The following SHTN1 variants were observed in gnomAD, a reference collection of about 807,000 sequenced individuals.
SHTN1 encodes the protein shootin 1, also known as shootin-1.
In SHTN1, 42 loss-of-function variants were observed where a neutral mutation model predicts 83.1. The observed-to-expected ratio is 0.51, with a 90% CI of 0.39 to 0.65. The LOEUF is 0.65. Among genes scored for constraint, SHTN1 ranks in the 30% least tolerant of loss-of-function variants. The probability of loss-of-function intolerance (pLI) is 0.00; values close to 1 mark genes in which losing one functional copy is unlikely to be tolerated. For synonymous variants in SHTN1, 224 were observed against 247.7 expected (o/e 0.90, Z 0.90); for missense variants, 622 against 737.8 (o/e 0.84, Z 1.82).
intron 2 of SHTN1, among the ~76,000 whole-genome samples, chr10:116,969,865 G>C (rs1459114179): frequency 6.6e-6 from 1 of 152,080 alleles, no homozygotes; most frequent in African/African-American, 2.4e-5. Flanking sequence ...ACCACAAGTA[G>C]CTAAAACATT....
intron 1 of SHTN1, among the ~76,000 whole-genome samples, chr10:117,117,161 A>T (rs923577191): frequency 6.6e-6 from 1 of 152,136 alleles, no homozygotes; most frequent in African/African-American, 2.4e-5. Flanking sequence ...AGACAAACTA[A>T]AGACTCCACC....
intron 16 of SHTN1, among the ~76,000 whole-genome samples, chr10:116,898,618 G>T (rs1002883077): frequency 3.3e-5 from 5 of 152,000 alleles, no homozygotes. Context: ...GGATTAGATG[G>T]TATATACTTA....
In SHTN1 at chr10:116,906,620, G is replaced by C. The variant is rs1284054587; in HGVS notation, c.1480+7C>G. ...AGAAGGACTGTGGAGAATTCAAACC[G>C]GCTTACTACTGCTATCTGCTTCTGC... is the stretch of plus-strand genomic sequence containing the variant. On this transcript the variant is annotated splice_region_variant and intron_variant, in intron 15 of 16. Transcript: ENST00000355371. 1 of 1,608,544 alleles carries C rather than the reference G, an allele frequency of 6.2e-7. No homozygotes were observed. Among genetic ancestry groups the C allele is most frequent in the Non-Finnish European group, 8.5e-7 (1 of 1,177,490 alleles).
rs540623246 is a variant in SHTN1, at chr10:117,117,440, G to GAATT, written c.-189+8866_-189+8867insAATT. On this transcript the variant is annotated intron_variant, in intron 1 of 17. Transcript: ENST00000392901. ...AAAGATATTCCATGCTCATGGGGAA[G>GAATT]AATAGTGTTAAATGACAATACTACC... Among the ~76,000 whole-genome samples the GAATT allele has an allele frequency of 4.6e-3, 703 of 152,092 alleles. 6 individuals are homozygous for GAATT. Among genetic ancestry groups the GAATT allele is most frequent in the South Asian group, 0.022 (108 of 4,822 alleles).
At chr10:116,893,271 G>C (rs1206723338) in intron 16 of SHTN1, among the ~76,000 whole-genome samples, 1 of 152,148 alleles carries the variant, frequency 6.6e-6, no homozygotes, top group African/African-American at 2.4e-5. Flanking sequence ...TCAACTTCCA[G>C]AACATCCAGT....
At chr10:116,965,049 T>C (rs1339367378) in intron 3 of SHTN1, among the ~76,000 whole-genome samples, 1 of 152,264 alleles carries the variant, frequency 6.6e-6, no homozygotes, top group East Asian at 1.9e-4. Flanking sequence ...GAATGCAGCT[T>C]TGCTATGTAG....
intron 1 of SHTN1, among the ~76,000 whole-genome samples, chr10:116,987,800 A>C (rs1353283795): frequency 1.3e-5 from 2 of 152,078 alleles, no homozygotes; most frequent in Admixed American, 6.6e-5. Flanking sequence ...CTGTAGTCCC[A>C]GCTACCAGGG....
intron 1 of SHTN1, among the ~76,000 whole-genome samples, chr10:117,115,132 G>C (rs889737730): frequency 6.6e-6 from 1 of 152,162 alleles, no homozygotes; most frequent in Admixed American, 6.5e-5. Context: ...CCACAAAATT[G>C]TGCCTATAAT....
At chr10:116,974,718 C>T (rs1053138028) in intron 2 of SHTN1, among the ~76,000 whole-genome samples, 12 of 152,076 alleles carry the variant, frequency 7.9e-5, no homozygotes, top group Non-Finnish European at 1.5e-4. Context: ...GGCAGACATT[C>T]TTCTATTATA....
intron 16 of SHTN1, among the ~76,000 whole-genome samples, chr10:116,892,998 G>A (rs1003725435): frequency 4.6e-5 from 7 of 152,206 alleles, no homozygotes; most frequent in Non-Finnish European, 1.0e-4. Flanking sequence ...GGAAGCAAAT[G>A]TTAGAAGGCA....
At chr10:117,073,656 G>C (rs1221915381) in intron 1 of SHTN1, among the ~76,000 whole-genome samples, 1 of 152,178 alleles carries the variant, frequency 6.6e-6, no homozygotes. Context: ...CTCCTCACTG[G>C]ATTTGCTTTA....
chr10:116,953,618 G>GTTTTTTTTTT (rs1413652753), intron 5 of SHTN1, among the ~76,000 whole-genome samples: 2 of 82,006 alleles, frequency 2.4e-5, no homozygotes, highest in African/African-American at 6.9e-5. Flanking sequence ...TCAGTTTTGT[G>GTTTTTTTTTT]TTTTGTTTTT....
At chr10:116,975,498 C>T (rs1850769458) in intron 2 of SHTN1, among the ~76,000 whole-genome samples, 1 of 152,064 alleles carries the variant, frequency 6.6e-6, no homozygotes, top group African/African-American at 2.4e-5. Flanking sequence ...ATTTGAGGTC[C>T]TCATTAGAGT....
At chr10:116,995,802 C>G (rs1325977388) in intron 1 of SHTN1, among the ~76,000 whole-genome samples, 3 of 152,004 alleles carry the variant, frequency 2.0e-5, no homozygotes, top group African/African-American at 7.2e-5. Context: ...GAAATACTGG[C>G]CTCGTACCTT....
At chr10:117,085,929 T>TC (rs1853344438) in intron 1 of SHTN1, among the ~76,000 whole-genome samples, 1 of 149,300 alleles carries the variant, frequency 6.7e-6, no homozygotes, top group East Asian at 2.0e-4. Context: ...TTTTTTTTTT[T>TC]TTTTTTTTTG....
chr10:116,897,968 C>T (rs576109716), intron 16 of SHTN1, among the ~76,000 whole-genome samples: 1 of 152,208 alleles, frequency 6.6e-6, no homozygotes, highest in Non-Finnish European at 1.5e-5. Flanking sequence ...TGACCCTGGG[C>T]AACACTTAAT....
At chr10:116,943,134 T>G (rs1187610947) in intron 8 of SHTN1, among the ~76,000 whole-genome samples, 1 of 152,230 alleles carries the variant, frequency 6.6e-6, no homozygotes, top group Non-Finnish European at 1.5e-5. Flanking sequence ...GCTCTTGCTT[T>G]CTTTCTCTCC....
intron 1 of SHTN1, among the ~76,000 whole-genome samples, chr10:117,070,887 A>C (rs1853070428): frequency 6.6e-6 from 1 of 152,008 alleles, no homozygotes; most frequent in South Asian, 2.1e-4. Flanking sequence ...CCAGAAGAGA[A>C]GGCTGCATCA....
intron 1 of SHTN1, among the ~76,000 whole-genome samples, chr10:117,119,216 G>A (rs1316824113): frequency 6.6e-6 from 1 of 152,082 alleles, no homozygotes; most frequent in Non-Finnish European, 1.5e-5. Context: ...TGATTAATGA[G>A]TACAAACATA....
Sources: gnomAD v4.1 joint callset for allele counts (sites outside exome capture counted in the v4.1 genomes callset) on GRCh38, gnomAD v4.1.1 for gene constraint, MANE v1.5 for transcripts, NCBI Gene and HGNC (gene_info 2026-07-23, HGNC 2026-07-21) for gene names.